KLHL20: variants seen among roughly 807,000 people sequenced by gnomAD.
KLHL20 encodes kelch like family member 20, also known as kelch-like protein 20.
KLHL20 carries 29 observed loss-of-function variants against 69.5 expected under a neutral mutation model. The observed-to-expected ratio is 0.42, with a 90% CI of 0.31 to 0.57. The LOEUF (loss-of-function observed/expected upper bound fraction) is 0.57. Among genes scored for constraint, KLHL20 ranks in the 20% least tolerant of loss-of-function variants. The pLI is 0.18. For synonymous variants in KLHL20, 253 were observed against 265.2 expected (o/e 0.95, Z 0.45); for missense variants, 419 against 776.0 (o/e 0.54, Z 5.47).
At chr1:173,756,094 T>C in intron 6 of KLHL20, 56 bp downstream of exon 6, 1 of 1,238,694 alleles carries the variant, frequency 8.1e-7, no homozygotes, top group Non-Finnish European at 1.2e-6. Flanking sequence ...TGAGAAACTG[T>C]CATTTGAAAA....
At chr1:173,733,011 T>A (rs1672356701) in intron 2 of KLHL20, among the ~76,000 whole-genome samples, 1 of 150,762 alleles carries the variant, frequency 6.6e-6, no homozygotes, top group South Asian at 2.1e-4. Context: ...AAGATAAACT[T>A]CAATCCAGAC....
chr1:173,718,090 C>A (rs999322419), intron 2 of KLHL20, among the ~76,000 whole-genome samples: 1 of 152,052 alleles, frequency 6.6e-6, no homozygotes, highest in African/African-American at 2.4e-5. Flanking sequence ...TCTCTTTTCA[C>A]TTTTTTAATT....
intron 7 of KLHL20, 74 bp from the exon 8 acceptor site, chr1:173,766,072 G>C (rs900022433): frequency 1.7e-6 from 2 of 1,182,920 alleles, no homozygotes; most frequent in Non-Finnish European, 2.3e-6. Flanking sequence ...ATAAATCCAT[G>C]GATTTAGAAT....
chr1:173,782,173 A>C lies in KLHL20; in HGVS notation c.1688A>C (p.Asp563Ala). 6.2e-7 allele frequency: 1 copy of C among 1,614,090 alleles called. No individual in the cohort carries two copies. The highest frequency in any genetic ancestry group is 2.2e-5 in the East Asian group (1 of 44,868). The change falls in exon 11 of 12, where the codon GAT becomes GCT. Residue 563 changes from aspartate to alanine, a missense_variant. Physicochemically the swap from Asp to Ala is moderately radical, Grantham distance 126. Around this residue, in one of 6 missense-constraint regions of KLHL20, gnomAD observed 79 missense variants for 154.4 expected, o/e 0.51. Transcript: ENST00000209884. ...NGQLMAVGGF[D>A]GTTYLKTIEV... Reference sequence around the variant, plus strand: ...CAGCTCATGGCAGTAGGAGGTTTTGATGGCACAACATACTTGAAGACCATA... The same window carrying C: ...CAGCTCATGGCAGTAGGAGGTTTTGCTGGCACAACATACTTGAAGACCATA...
At chr1:173,754,940 T>C (rs1332940639) in intron 5 of KLHL20, among the ~76,000 whole-genome samples, 1 of 152,232 alleles carries the variant, frequency 6.6e-6, no homozygotes, top group Non-Finnish European at 1.5e-5. Context: ...AGCACATAGC[T>C]GTAAGTGTTG....
intron 8 of KLHL20, among the ~76,000 whole-genome samples, chr1:173,770,961 G>GA (rs1324226997): frequency 2.0e-5 from 3 of 152,102 alleles, no homozygotes; most frequent in Middle Eastern, 3.4e-3. Flanking sequence ...TGAAGAAAAA[G>GA]AAAAAATTCC....
chr1:173,718,318 C>G (rs1671554176), intron 2 of KLHL20, among the ~76,000 whole-genome samples: 1 of 151,896 alleles, frequency 6.6e-6, no homozygotes, highest in South Asian at 2.1e-4. Flanking sequence ...GTGGGCTGAT[C>G]CCTTGAGCCC....
chr1:173,743,965 A>G (rs780860086), intron 3 of KLHL20, among the ~76,000 whole-genome samples: 1 of 152,146 alleles, frequency 6.6e-6, no homozygotes, highest in South Asian at 2.1e-4. Flanking sequence ...TAATGCTGCA[A>G]TGAATAACAT....
intron 3 of KLHL20, among the ~76,000 whole-genome samples, chr1:173,742,366 T>C (rs1202571905): frequency 6.6e-6 from 1 of 152,150 alleles, no homozygotes; most frequent in East Asian, 1.9e-4. Context: ...TTCTGGAAAT[T>C]TGTACTACAG....
At position 173,769,112 on chromosome 1, in the gene KLHL20, G is replaced by A. The variant is rs946336044; in HGVS notation, c.1295+2823G>A. Among the ~76,000 whole-genome samples, 5 of 152,194 alleles carry A rather than the reference G, an allele frequency of 3.3e-5. No homozygotes were observed. The East Asian group carries it at 5.8e-4, about 18-fold the overall frequency. ...GTTTCTCAACCTCAACACTACTGGCGTTTTGGGTCAGACAATTCTTTGTTG... is the reference window on the plus strand; with the variant it reads ...GTTTCTCAACCTCAACACTACTGGCATTTTGGGTCAGACAATTCTTTGTTG... On this transcript the variant is annotated intron_variant, in intron 8 of 11. Transcript: ENST00000209884.
At chr1:173,746,379 C>T (rs900777614) in intron 3 of KLHL20, among the ~76,000 whole-genome samples, 1 of 152,160 alleles carries the variant, frequency 6.6e-6, no homozygotes, top group South Asian at 2.1e-4. Flanking sequence ...ATAGAATTTC[C>T]CTCTGAAATC....
At chr1:173,718,054 C>T (rs1188155620) in intron 2 of KLHL20, among the ~76,000 whole-genome samples, 2 of 152,210 alleles carry the variant, frequency 1.3e-5, no homozygotes, top group African/African-American at 4.8e-5. Flanking sequence ...CATTGTAGTT[C>T]ATACACAAAT....
At chr1:173,770,128 C>CA (rs1444839277) in intron 8 of KLHL20, among the ~76,000 whole-genome samples, 1 of 152,092 alleles carries the variant, frequency 6.6e-6, no homozygotes, top group Non-Finnish European at 1.5e-5. Context: ...AGCAGAATAA[C>CA]ATCTCTACAG....
At position 173,751,768 on chromosome 1, in the gene KLHL20, T is replaced by G; in HGVS notation, c.602T>G (p.Met201Arg). 6.2e-7 allele frequency: 1 copy of G among 1,613,880 alleles called. No homozygotes were observed. The highest frequency in any genetic ancestry group is 8.5e-7 in the Non-Finnish European group (1 of 1,179,920). Residue 201 changes from methionine to arginine, a missense_variant, in exon 4 of 12, where the codon ATG becomes AGG. By Grantham distance (91) the Met-to-Arg change is moderately conservative. Transcript: ENST00000209884. Reference sequence around the variant, plus strand: ...TTCTTACCTAACTTTGAACAGGTAATGGAGAGTGAAGAGTTCATGTTGCTT... The same window carrying G: ...TTCTTACCTAACTTTGAACAGGTAAGGGAGAGTGAAGAGTTCATGTTGCTT... Reference protein sequence around the residue: ...KFTQHNFQEVMESEEFMLLPA... With the variant: ...KFTQHNFQEVRESEEFMLLPA...
rs1175408387 is a variant in KLHL20 at position 173,716,016 on chromosome 1, G to A, written c.-28G>A. The A allele has an allele frequency of 6.2e-7, 1 of 1,612,384 alleles. No homozygotes were observed. Among genetic ancestry groups the A allele is most frequent in the African/African-American group, 1.3e-5 (1 of 75,052 alleles). ...CTGTTGTCTTAGGTTCGGCTTTAGA[G>A]TGTGGTGAAGGGTACTTTTCATGGT... On this transcript the variant is annotated 5_prime_UTR_variant, in exon 2 of 12. The change creates a new upstream start codon in the 5' untranslated region. Transcript: ENST00000209884.
At chr1:173,727,916 T>C (rs1672058312) in intron 2 of KLHL20, among the ~76,000 whole-genome samples, 5 of 152,188 alleles carry the variant, frequency 3.3e-5, no homozygotes, top group Admixed American at 3.3e-4. Flanking sequence ...ACCTTAAATA[T>C]AAATGGACTA....
intron 7 of KLHL20, among the ~76,000 whole-genome samples, chr1:173,759,438 G>T (rs780821476): frequency 6.6e-6 from 1 of 152,128 alleles, no homozygotes; most frequent in Non-Finnish European, 1.5e-5. Context: ...CACAAAAATA[G>T]GGTATTAAAC....
intron 3 of KLHL20, among the ~76,000 whole-genome samples, chr1:173,748,516 C>CT (rs1673168337): frequency 6.6e-6 from 1 of 152,066 alleles, no homozygotes; most frequent in African/African-American, 2.4e-5. Flanking sequence ...TGAAAATAAT[C>CT]TAACTTCTTT....
chr1:173,732,662 T>C (rs1444987390), intron 2 of KLHL20, among the ~76,000 whole-genome samples: 2 of 152,218 alleles, frequency 1.3e-5, no homozygotes, highest in Non-Finnish European at 2.9e-5. Context: ...ACTCTTACCA[T>C]AGAAAAATGC....
Sources: allele counts gnomAD v4.1 joint callset (sites outside exome capture counted in the v4.1 genomes callset), GRCh38; gene constraint gnomAD v4.1.1; regional missense constraint gnomAD v4.1.1; transcripts MANE v1.5; gene names NCBI Gene and HGNC (gene_info 2026-07-23, HGNC 2026-07-21).